Variants in SYCE1L observed in about 807,000 individuals in gnomAD.
SYCE1L encodes synaptonemal complex central element protein 1 like.
A neutral mutation model predicts 39.6 loss-of-function variants in SYCE1L; 51 were observed. The ratio of observed to expected loss-of-function variants is 1.29; its 90% CI spans 1.03 to 1.63. SYCE1L has a LOEUF of 1.63. Ranked by LOEUF, SYCE1L falls within the 40% of genes most tolerant of loss-of-function variation. SYCE1L has a pLI of 0.00. For missense variants in SYCE1L, 426 were observed against 304.9 expected, an observed-to-expected ratio of 1.40 and a Z score of -2.96; for synonymous variants, 147 against 122.4, an observed-to-expected ratio of 1.20 and a Z score of -1.33.
intron 1 of SYCE1L, among the ~76,000 whole-genome samples, chr16:77,205,056 A>AAAAAAAAAAG (rs1471925292): frequency 4.3e-5 from 6 of 140,748 alleles, no homozygotes; most frequent in East Asian, 2.2e-4. Flanking sequence ...AAAAAAAAAA[A>AAAAAAAAAAG]AAAAGAAAAG....
At chr16:77,211,354 C>G in intron 7 of SYCE1L, 78 bp downstream of exon 7, 1 of 1,503,242 alleles carries the variant, frequency 6.7e-7, no homozygotes, top group Non-Finnish European at 9.1e-7. Context: ...CAGAGTCCAC[C>G]CCTGCCCAGG....
intron 1 of SYCE1L, 65 bp from the exon 2 acceptor site, chr16:77,206,376 T>C: frequency 6.9e-7 from 1 of 1,458,938 alleles, no homozygotes; most frequent in Non-Finnish European, 9.4e-7. Context: ...TGGGACTTCC[T>C]GCCTCCCTTC....
At chr16:77,206,810 A>T (rs954385639) in intron 2 of SYCE1L, among the ~76,000 whole-genome samples, 11 of 135,204 alleles carry the variant, frequency 8.1e-5, no homozygotes, top group African/African-American at 1.3e-4. Flanking sequence ...AGAGATTTTT[A>T]AAAAATGCAT....
intron 2 of SYCE1L, among the ~76,000 whole-genome samples, chr16:77,206,935 T>C (rs2054789681): frequency 6.6e-6 from 1 of 152,166 alleles, no homozygotes; most frequent in African/African-American, 2.4e-5. Flanking sequence ...ACCCAGTATC[T>C]ACATCAGAGC....
intron 5 of SYCE1L, 132 bp from the exon 6 acceptor site, chr16:77,209,285 A>G (rs2054806890): frequency 6.0e-6 from 8 of 1,335,570 alleles, no homozygotes; most frequent in Non-Finnish European, 8.4e-6. Flanking sequence ...CTGGATTGCT[A>G]CATCACTTGG....
chr16:77,205,111 C>T (rs1173711724), intron 1 of SYCE1L, among the ~76,000 whole-genome samples: 1 of 150,796 alleles, frequency 6.6e-6, no homozygotes, highest in Non-Finnish European at 1.5e-5. Context: ...ATTGAATTAT[C>T]TCCAGGTACC....
chr16:77,212,961 C>T lies in SYCE1L; in HGVS notation c.*30C>T, dbSNP rs1225669530. On this transcript the variant is annotated 3_prime_UTR_variant, in exon 11 of 11. Coordinates refer to ENST00000378644, the MANE Select transcript of SYCE1L (RefSeq NM_001129979.3). ...GCAGGACCCGCCCGTTCCCGACCTT[C>T]CCTCGAGACCCGCCAAGAAATAAAG... is the stretch of plus-strand genomic sequence containing the variant. 6.1e-6 allele frequency: 9 copies of T among 1,466,632 alleles called. No individual in the cohort carries two copies. The Admixed American group carries it at 1.4e-4, about 24-fold the overall frequency. The allele number at this position is 1,466,632 out of a possible 1,614,324, so 90.9% of individuals were successfully genotyped here.
rs774234239 is a variant in SYCE1L at position 77,212,541 on chromosome 16, CTT to C, written c.582-32_582-31del. The C allele has an allele frequency of 2.0e-5, 30 of 1,537,334 alleles. No individual in the cohort carries two copies. The South Asian group carries it at 3.3e-4, about 17-fold the overall frequency. On this transcript the variant is annotated intron_variant, in intron 9 of 10. Transcript: ENST00000378644. The stretch of plus-strand genomic sequence containing the variant: ...TCCTCGTCCCCTGGACTCTCGCTCT[CTT>C]CCTCCTGTCTCCTCGGCCCCTTCTC...
In SYCE1L at chr16:77,213,048, C is replaced by A; in HGVS notation, c.*117C>A. On this transcript the variant is annotated 3_prime_UTR_variant, in exon 11 of 11. Coordinates refer to ENST00000378644, the MANE Select transcript of SYCE1L (RefSeq NM_001129979.3). ...GTCTGTGCTACACCGTGGAGCGGGG[C>A]GGGGCGTGCTGGGATCTCGAGGCGG... 2 of 1,100,564 alleles carry A rather than the reference C, an allele frequency of 1.8e-6. No homozygotes were observed. The highest frequency in any genetic ancestry group is 2.4e-6 in the Non-Finnish European group (2 of 844,944). 68.2% of individuals were successfully genotyped at this position (1,100,564 alleles called of 1,614,324 possible). A position where few individuals can be genotyped will look rare whatever the true frequency, so the allele number is the denominator to read the frequency against.
chr16:77,206,953 G>A (rs1435399908), intron 2 of SYCE1L, among the ~76,000 whole-genome samples: 1 of 152,160 alleles, frequency 6.6e-6, no homozygotes, highest in Non-Finnish European at 1.5e-5. Context: ...AGCTGAGGCA[G>A]TGCTGGCCAG....
chr16:77,209,709 C>T (rs144713964), intron 6 of SYCE1L, among the ~76,000 whole-genome samples: 51 of 152,344 alleles, frequency 3.3e-4, no homozygotes, highest in African/African-American at 1.2e-3. Context: ...CTCCATTGGT[C>T]TTAGCCTCAG....
intron 1 of SYCE1L, chr16:77,200,466 T>G (rs528650365): frequency 7.0e-6 from 1 of 142,742 alleles, no homozygotes; most frequent in Non-Finnish European, 1.5e-5. Context: ...GAAAAAAAAT[T>G]CTCCCTTGGC....
rs1020127082 is a variant in SYCE1L at position 77,212,768 on chromosome 16, G to A, written c.655-89G>A. ...GGGGAGCAGGGCGGCCCCGGGGACAGAGGAAGCCGCGGTGGAGGCCTAGGG... is the reference window on the plus strand; with the variant it reads ...GGGGAGCAGGGCGGCCCCGGGGACAAAGGAAGCCGCGGTGGAGGCCTAGGG... On this transcript the variant is annotated intron_variant, in intron 10 of 10. Transcript: ENST00000378644. 16 of 1,421,212 alleles carry A rather than the reference G, an allele frequency of 1.1e-5. No homozygotes were observed. In the African/African-American group the frequency reaches 1.8e-4, roughly 16 times the overall value. The allele number at this position is 1,421,212 out of a possible 1,614,324, so 88.0% of individuals were successfully genotyped here.
At chr16:77,209,181 T>C (rs1189695794) in intron 5 of SYCE1L, 37 bp downstream of exon 5, 1 of 1,549,140 alleles carries the variant, frequency 6.5e-7, no homozygotes, top group Non-Finnish European at 8.7e-7. Flanking sequence ...TATTCTACTC[T>C]TCCACCCCAC....
intron 1 of SYCE1L, 142 bp downstream of exon 1, chr16:77,199,654 A>G (rs2054709122): frequency 1.4e-6 from 1 of 720,440 alleles, no homozygotes; most frequent in African/African-American, 1.8e-5. Context: ...GAAGAAAAAC[A>G]ATTTTTTAAC....
chr16:77,211,408 C>G lies in SYCE1L; in HGVS notation c.423+132C>G. On this transcript the variant is annotated intron_variant, in intron 7 of 10. Transcript: ENST00000378644. ...TCCTTGATTCCTTGCTTCCGCTTGC[C>G]CACCTATTCAGTCCCTCAGCTTTTA... is the stretch of plus-strand genomic sequence containing the variant. 2.8e-6 allele frequency: 3 copies of G among 1,079,434 alleles called. No individual in the cohort carries two copies. In the South Asian group the frequency reaches 4.2e-5, roughly 15 times the overall value. The allele number at this position is 1,079,434 out of a possible 1,614,324, so 66.9% of individuals were successfully genotyped here.
At chr16:77,206,336 C>A in intron 1 of SYCE1L, 105 bp from the exon 2 acceptor site, 2 of 960,748 alleles carry the variant, frequency 2.1e-6, no homozygotes, top group African/African-American at 3.2e-5. Flanking sequence ...CCATCCTTAG[C>A]CCCAGCCCAC....
At chr16:77,209,347 G>A (rs1205826527) in intron 5 of SYCE1L, 70 bp from the exon 6 acceptor site, 1 of 1,501,820 alleles carries the variant, frequency 6.7e-7, no homozygotes, top group Non-Finnish European at 9.1e-7. Flanking sequence ...ATGATGTGGG[G>A]CCTATTACCT....
At chr16:77,211,073 C>T in intron 6 of SYCE1L, 140 bp from the exon 7 acceptor site, 1 of 884,354 alleles carries the variant, frequency 1.1e-6, no homozygotes, top group African/African-American at 1.7e-5. Flanking sequence ...CTACGGGAAC[C>T]AAAGCTTAGA....
Sources: gnomAD v4.1 joint callset for allele counts (sites outside exome capture counted in the v4.1 genomes callset) on GRCh38, gnomAD v4.1.1 for gene constraint, MANE v1.5 for transcripts, NCBI Gene and HGNC (gene_info 2026-07-23, HGNC 2026-07-21) for gene names.